Variants in NUP93 observed in about 807,000 individuals in gnomAD.
The protein encoded by NUP93 is nuclear pore complex protein Nup93.
In NUP93, 55 loss-of-function variants were observed where a neutral mutation model predicts 107.8. The ratio of observed to expected loss-of-function variants is 0.51; its 90% CI spans 0.41 to 0.64. The LOEUF is 0.64. NUP93 is among the 30% of genes least tolerant of loss of function. The pLI, the probability that NUP93 is intolerant of heterozygous loss-of-function variation, is 0.00. For missense variants in NUP93, 937 were observed against 1,044.7 expected (o/e 0.90, Z 1.42); for synonymous variants, 390 against 397.5 (o/e 0.98, Z 0.22).
intron 1 of NUP93, among the ~76,000 whole-genome samples, chr16:56,744,701 G>T (rs76562031): frequency 6.6e-6 from 1 of 152,048 alleles, no homozygotes; most frequent in Non-Finnish European, 1.5e-5. Context: ...TTGTAATTCC[G>T]TTCACCTGGT....
intron 16 of NUP93, 98 bp downstream of exon 16, chr16:56,834,876 A>T: frequency 1.0e-6 from 1 of 1,000,906 alleles, no homozygotes; most frequent in East Asian, 2.5e-5. Flanking sequence ...GGTACTAAAG[A>T]TGCAAATCTG....
At chr16:56,805,475 G>A (rs376622675) in intron 4 of NUP93, 29 bp from the exon 5 acceptor site, 365 of 1,608,072 alleles carry the variant, frequency 2.3e-4, no homozygotes, top group Non-Finnish European at 2.9e-4. Context: ...TTTTCCTGAG[G>A]GTCATTGTTC....
chr16:56,755,673 A>T (rs1962005533), intron 2 of NUP93, among the ~76,000 whole-genome samples: 1 of 152,146 alleles, frequency 6.6e-6, no homozygotes, highest in Non-Finnish European at 1.5e-5. Flanking sequence ...CCTGGAGTTC[A>T]ACCCCAGCTT....
rs1261707762 is a variant in NUP93, at chr16:56,746,997, AT to A, written c.-14-1221del. On this transcript the variant is annotated intron_variant, in intron 1 of 21. Transcript: ENST00000308159. ...TTCTTCTTAACCTTTTAGCAATGTA[AT>A]TTTTTTTTTTTTTTTCCAAGACAGA... is the stretch of plus-strand genomic sequence containing the variant. 6.6e-3 allele frequency among the ~76,000 whole-genome samples: 948 copies of A among 143,354 alleles called. 3 individuals carry two copies. The highest frequency in any genetic ancestry group is 0.029 in the East Asian group (144 of 4,914). 94.0% of individuals were successfully genotyped at this position (143,354 alleles called of 152,430 possible).
rs748875241 is a variant in NUP93 at position 56,829,144 on chromosome 16, C to T, written c.927+35C>T. The stretch of plus-strand genomic sequence containing the variant: ...ACTTTCTCTGTGTGATCAGTTACAC[C>T]CCCAGAGCAGTTGCCCTCAGATGGG... On this transcript the variant is annotated intron_variant, in intron 9 of 21. Coordinates refer to ENST00000308159, the MANE Select transcript of NUP93 (RefSeq NM_014669.5). 6.7e-4 allele frequency: 1,069 copies of T among 1,593,508 alleles called. 11 individuals carry two copies. The South Asian group carries it at 0.011, about 16-fold the overall frequency.
chr16:56,838,144 G>C (rs374207345), intron 18 of NUP93, among the ~76,000 whole-genome samples: 22 of 152,224 alleles, frequency 1.4e-4, no homozygotes, highest in African/African-American at 5.3e-4. Context: ...TCCCCAGTGA[G>C]TTAACTGAAT....
At chr16:56,771,359 A>G (rs1376943850) in intron 3 of NUP93, among the ~76,000 whole-genome samples, 2 of 152,186 alleles carry the variant, frequency 1.3e-5, no homozygotes, top group African/African-American at 4.8e-5. Context: ...TGGAACTTGA[A>G]CCCAAATAAT....
At chr16:56,791,396 T>TGA (rs1468592103) in intron 3 of NUP93, among the ~76,000 whole-genome samples, 1 of 152,260 alleles carries the variant, frequency 6.6e-6, no homozygotes, top group African/African-American at 2.4e-5. Context: ...AGAACCAATG[T>TGA]GAGCACTTTT....
chr16:56,764,686 G>A (rs550988413), intron 3 of NUP93, among the ~76,000 whole-genome samples: 92 of 152,232 alleles, frequency 6.0e-4, no homozygotes, highest in African/African-American at 2.0e-3. Context: ...AACAGGTTGC[G>A]GAAATCCTGT....
chr16:56,834,799 G>C (rs755073151), intron 16 of NUP93, 21 bp downstream of exon 16: 3 of 1,576,742 alleles, frequency 1.9e-6, no homozygotes, highest in East Asian at 4.5e-5. Flanking sequence ...TGCATCCTTA[G>C]AGAAATGTTC....
At chr16:56,839,168 A>G in intron 19 of NUP93, 99 bp downstream of exon 19, 1 of 704,574 alleles carries the variant, frequency 1.4e-6, no homozygotes. Flanking sequence ...AGCTGTTGCC[A>G]GTATGTTTGT....
At chr16:56,756,932 A>G (rs1364397434) in intron 2 of NUP93, among the ~76,000 whole-genome samples, 1 of 152,148 alleles carries the variant, frequency 6.6e-6, no homozygotes, top group East Asian at 1.9e-4. Flanking sequence ...TTGGCTGCAT[A>G]AATGTCTTCT....
intron 8 of NUP93, among the ~76,000 whole-genome samples, chr16:56,826,583 T>A (rs1437488175): frequency 6.6e-6 from 1 of 152,126 alleles, no homozygotes; most frequent in Non-Finnish European, 1.5e-5. Context: ...TTTGTTTGTT[T>A]TTCATTATAA....
intron 7 of NUP93, among the ~76,000 whole-genome samples, chr16:56,821,910 C>G (rs1963551715): frequency 6.6e-6 from 1 of 150,388 alleles, no homozygotes; most frequent in South Asian, 2.1e-4. Flanking sequence ...TAGTAGGCTC[C>G]TTAATGAGAG....
chr16:56,765,665 A>G (rs1316336646), intron 3 of NUP93, among the ~76,000 whole-genome samples: 1 of 152,202 alleles, frequency 6.6e-6, no homozygotes, highest in Non-Finnish European at 1.5e-5. Flanking sequence ...ATATGAACAC[A>G]GTGGTGTCTA....
intron 3 of NUP93, among the ~76,000 whole-genome samples, chr16:56,777,277 C>G (rs1281493250): frequency 6.6e-6 from 1 of 152,080 alleles, no homozygotes; most frequent in East Asian, 1.9e-4. Flanking sequence ...TTTCTTTCAC[C>G]GAGGTGCATT....
chr16:56,822,561 TTTC>T (rs1229539890), intron 7 of NUP93, among the ~76,000 whole-genome samples: 10 of 39,692 alleles, frequency 2.5e-4, no homozygotes, highest in South Asian at 1.3e-3. Flanking sequence ...TTTCTTTTCT[TTTC>T]TTTTTTTTTT....
In NUP93 at chr16:56,830,697, G is replaced by GATT. The variant is rs749849013; in HGVS notation, c.1085+13_1085+14insTTA. 1.3e-6 allele frequency: 2 copies of GATT among 1,551,126 alleles called. No individual in the cohort carries two copies. Among genetic ancestry groups the GATT allele is most frequent in the Admixed American group, 1.8e-5 (1 of 56,186 alleles). ...AGCAAGGACAGAAGGTATGGTGAAT[G>GATT]AGGTGGCACGCCCAGGGGCAGCCAT... On this transcript the variant is annotated intron_variant, in intron 10 of 21. Transcript: ENST00000308159.
At chr16:56,784,428 G>A (rs1415401532) in intron 3 of NUP93, among the ~76,000 whole-genome samples, 5 of 152,054 alleles carry the variant, frequency 3.3e-5, no homozygotes, top group Admixed American at 3.3e-4. Flanking sequence ...TCACTCATGG[G>A]GATAATTTTT....
Sources: gnomAD v4.1 joint callset for allele counts (sites outside exome capture counted in the v4.1 genomes callset) on GRCh38, gnomAD v4.1.1 for gene constraint, MANE v1.5 for transcripts, NCBI Gene and HGNC (gene_info 2026-07-23, HGNC 2026-07-21) for gene names.